Variants in PLCH1 observed in about 807,000 individuals in gnomAD.
The protein encoded by PLCH1 is 1-phosphatidylinositol 4,5-bisphosphate phosphodiesterase eta-1.
Under a neutral mutation model 126.7 loss-of-function variants are expected in PLCH1, and 60 were observed. That is an observed-to-expected ratio of 0.47 (90% CI 0.38 to 0.59). The LOEUF is 0.59. Ranked by LOEUF, PLCH1 falls within the 20% of genes least tolerant of loss-of-function variation. The pLI is 0.00. For synonymous variants in PLCH1, 719 were observed against 734.9 expected (o/e 0.98, Z 0.35); for missense variants, 1,723 against 2,040.0 (o/e 0.84, Z 2.99).
rs150854535 is a variant in PLCH1 at position 155,733,272 on chromosome 3, C to A, written c.-41+11568G>T. On this transcript the variant is annotated intron_variant, in intron 1 of 22. Transcript: ENST00000460012. The stretch of plus-strand genomic sequence containing the variant: ...CCTGAATAGAGAAAGCAATCTTGAA[C>A]AAATAGAACAAAGCTAGAAGCATCA... 7.1e-3 allele frequency among the ~76,000 whole-genome samples: 1,082 copies of A among 152,126 alleles called. 15 individuals are homozygous for A. Among genetic ancestry groups the A allele is most frequent in the African/African-American group, 0.025 (1,040 of 41,512 alleles).
At chr3:155,676,606 G>A (rs1031247297) in intron 2 of PLCH1, among the ~76,000 whole-genome samples, 5 of 152,024 alleles carry the variant, frequency 3.3e-5, no homozygotes, top group Admixed American at 2.6e-4. Flanking sequence ...TCACTCCATC[G>A]GAGGCAAACA....
At chr3:155,558,670 T>C (rs933239076) in intron 8 of PLCH1, among the ~76,000 whole-genome samples, 1 of 152,086 alleles carries the variant, frequency 6.6e-6, no homozygotes, top group Non-Finnish European at 1.5e-5. Context: ...AGGGACAGAG[T>C]AGGACGGTGT....
At chr3:155,530,329 C>CTTTT (rs764111486) in intron 10 of PLCH1, among the ~76,000 whole-genome samples, 1 of 142,816 alleles carries the variant, frequency 7.0e-6, no homozygotes, top group Non-Finnish European at 1.5e-5. Flanking sequence ...GGCTCCACTT[C>CTTTT]TTTTTTTTTT....
At chr3:155,550,871 C>G (rs1726017979) in intron 9 of PLCH1, among the ~76,000 whole-genome samples, 1 of 152,146 alleles carries the variant, frequency 6.6e-6, no homozygotes, top group Non-Finnish European at 1.5e-5. Flanking sequence ...ATGACAAGCA[C>G]AAGTTCCACA....
intron 2 of PLCH1, among the ~76,000 whole-genome samples, chr3:155,682,328 T>C (rs1039832477): frequency 2.0e-5 from 3 of 152,192 alleles, no homozygotes; most frequent in Admixed American, 2.0e-4. Flanking sequence ...TATATGAAGC[T>C]CAGAAAGCCC....
chr3:155,727,690 A>G (rs1748447432), intron 1 of PLCH1, among the ~76,000 whole-genome samples: 2 of 152,132 alleles, frequency 1.3e-5, no homozygotes, highest in Admixed American at 6.5e-5. Context: ...GCCCGGCCCA[A>G]TGTATGAAAT....
intron 2 of PLCH1, among the ~76,000 whole-genome samples, chr3:155,659,349 A>G (rs7633226): frequency 0.069 from 5,400 of 78,612 alleles, 197 homozygotes; most frequent in Middle Eastern, 0.31. Flanking sequence ...TTTTTCCGAG[A>G]TAGGGTTTCA....
chr3:155,657,459 G>A (rs1212901036), intron 2 of PLCH1, among the ~76,000 whole-genome samples: 1 of 152,178 alleles, frequency 6.6e-6, no homozygotes, highest in Non-Finnish European at 1.5e-5. Flanking sequence ...GAGCTCCGGA[G>A]ATAGATGCGG....
chr3:155,661,239 A>C (rs911871427), intron 2 of PLCH1, among the ~76,000 whole-genome samples: 2 of 152,208 alleles, frequency 1.3e-5, no homozygotes, highest in Non-Finnish European at 2.9e-5. Flanking sequence ...TGCTCAGACC[A>C]GAGAGATAGA....
chr3:155,460,672 T>G (rs1712676946), intron 21 of PLCH1, among the ~76,000 whole-genome samples: 1 of 152,156 alleles, frequency 6.6e-6, no homozygotes, highest in Admixed American at 6.5e-5. Context: ...CTTAAAGGAT[T>G]CATGGATGGC....
At chr3:155,607,615 A>AT (rs36010495) in intron 2 of PLCH1, among the ~76,000 whole-genome samples, 6 of 151,752 alleles carry the variant, frequency 4.0e-5, no homozygotes, top group African/African-American at 1.5e-4. Flanking sequence ...TAATTTTTGT[A>AT]TTTTTTCATA....
chr3:155,470,824 C>G (rs371935767), intron 21 of PLCH1, among the ~76,000 whole-genome samples: 2,600 of 152,002 alleles, frequency 0.017, 36 homozygotes, highest in Middle Eastern at 0.054. Flanking sequence ...TCCAGCCAAA[C>G]TAAGCTTCAT....
chr3:155,610,676 C>T (rs1734963066), intron 2 of PLCH1, among the ~76,000 whole-genome samples: 1 of 152,198 alleles, frequency 6.6e-6, no homozygotes, highest in East Asian at 1.9e-4. Context: ...GAATTCACCA[C>T]TACCACACCA....
intron 2 of PLCH1, among the ~76,000 whole-genome samples, chr3:155,702,018 T>C (rs955058196): frequency 2.0e-5 from 3 of 152,216 alleles, no homozygotes; most frequent in African/African-American, 7.2e-5. Context: ...TTAATATCTC[T>C]AAATCCTTTC....
intron 1 of PLCH1, among the ~76,000 whole-genome samples, chr3:155,717,195 T>C (rs1314532001): frequency 1.3e-5 from 2 of 152,252 alleles, no homozygotes; most frequent in Admixed American, 6.5e-5. Context: ...ACTGCCTCTA[T>C]GGCTTTGCAG....
At chr3:155,552,165 C>G (rs1021791090) in intron 9 of PLCH1, among the ~76,000 whole-genome samples, 3 of 152,162 alleles carry the variant, frequency 2.0e-5, no homozygotes, top group African/African-American at 7.2e-5. Context: ...TTAAAGGCTA[C>G]TAACTTCTAA....
intron 5 of PLCH1, 95 bp from the exon 6 acceptor site, chr3:155,583,737 C>A: frequency 1.2e-6 from 1 of 827,472 alleles, no homozygotes; most frequent in Non-Finnish European, 1.8e-6. Flanking sequence ...AGCTAGTACA[C>A]AAATCCCAAG....
intron 2 of PLCH1, among the ~76,000 whole-genome samples, chr3:155,655,171 C>G (rs1741207014): frequency 6.6e-6 from 1 of 152,272 alleles, no homozygotes; most frequent in African/African-American, 2.4e-5. Flanking sequence ...TGTGGTGGCT[C>G]ATGCCTGTAA....
intron 4 of PLCH1, among the ~76,000 whole-genome samples, chr3:155,586,615 G>A (rs1428799036): frequency 1.3e-5 from 2 of 151,852 alleles, no homozygotes; most frequent in South Asian, 2.1e-4. Flanking sequence ...GCTGAGGCAG[G>A]AGAACTGCTT....
Sources: gnomAD v4.1 joint callset for allele counts (sites outside exome capture counted in the v4.1 genomes callset) on GRCh38, gnomAD v4.1.1 for gene constraint, MANE v1.5 for transcripts, NCBI Gene and HGNC (gene_info 2026-07-23, HGNC 2026-07-21) for gene names.